CDK14: variants seen among roughly 807,000 people sequenced by gnomAD.
CDK14 encodes cyclin-dependent kinase 14.
In CDK14, 34 loss-of-function variants were observed where a neutral mutation model predicts 60.7. The observed-to-expected ratio is 0.56, with a 90% CI of 0.43 to 0.75. CDK14 has a LOEUF of 0.75. CDK14 is among the 30% of genes least tolerant of loss of function. The probability of loss-of-function intolerance (pLI) is 0.00; values close to 1 mark genes in which losing one functional copy is unlikely to be tolerated. For synonymous variants in CDK14, 197 were observed against 203.7 expected (o/e 0.97, Z 0.28); for missense variants, 482 against 564.1 (o/e 0.85, Z 1.47).
intron 7 of CDK14, among the ~76,000 whole-genome samples, chr7:90,914,857 C>T (rs1014285244): frequency 6.6e-6 from 1 of 152,128 alleles, no homozygotes; most frequent in African/African-American, 2.4e-5. Flanking sequence ...TGCTGCCATC[C>T]AGATGTCTCT....
intron 12 of CDK14, among the ~76,000 whole-genome samples, chr7:91,087,757 T>C (rs1428833670): frequency 1.3e-5 from 2 of 152,182 alleles, no homozygotes; most frequent in Non-Finnish European, 2.9e-5. Flanking sequence ...AGACATCTTC[T>C]GGAATATTCT....
At chr7:90,947,548 G>T (rs1283424356) in intron 8 of CDK14, among the ~76,000 whole-genome samples, 1 of 152,158 alleles carries the variant, frequency 6.6e-6, no homozygotes, top group Non-Finnish European at 1.5e-5. Flanking sequence ...AACCATTAGA[G>T]TACCTAACAG....
In CDK14 at chr7:91,052,434, A is replaced by G. The variant is rs371144922; in HGVS notation, c.1105+6474A>G. On this transcript the variant is annotated intron_variant, in intron 11 of 14. Transcript: ENST00000380050. ...GTTTACTGACAATTAGACTATTTTAAAAAGCAGAGAAGTAGGGAGGATCTG... is the reference window on the plus strand; with the variant it reads ...GTTTACTGACAATTAGACTATTTTAGAAAGCAGAGAAGTAGGGAGGATCTG... 3.3e-5 allele frequency among the ~76,000 whole-genome samples: 5 copies of G among 152,338 alleles called. No individual in the cohort carries two copies. In the East Asian group the frequency reaches 9.6e-4, roughly 29 times the overall value.
At chr7:90,837,356 C>T (rs1408938583) in intron 5 of CDK14, among the ~76,000 whole-genome samples, 4 of 150,266 alleles carry the variant, frequency 2.7e-5, no homozygotes, top group East Asian at 2.0e-4. Flanking sequence ...GGTACAATCT[C>T]GGCTCACTGC....
intron 2 of CDK14, among the ~76,000 whole-genome samples, chr7:90,621,655 TCCTTCCTTCCTTCCTG>T (rs1161989353): frequency 1.9e-4 from 21 of 111,716 alleles, no homozygotes; most frequent in South Asian, 6.1e-4. Flanking sequence ...CTTCCTTCCT[TCCTTCCTTCCTTCCTG>T]CCTTCCTGCC....
chr7:91,204,924 G>A (rs1485177079), intron 14 of CDK14, among the ~76,000 whole-genome samples: 4 of 151,742 alleles, frequency 2.6e-5, no homozygotes, highest in Non-Finnish European at 1.5e-5. Flanking sequence ...CTCCAGCTTG[G>A]GTGGCAGAGC....
intron 2 of CDK14, among the ~76,000 whole-genome samples, chr7:90,644,228 C>T (rs544922379): frequency 1.3e-5 from 2 of 152,184 alleles, no homozygotes; most frequent in Non-Finnish European, 2.9e-5. Flanking sequence ...AAATCAGTTT[C>T]GGTTGTTTAA....
chr7:90,648,143 T>G (rs1472520289), intron 2 of CDK14, among the ~76,000 whole-genome samples: 1 of 152,148 alleles, frequency 6.6e-6, no homozygotes, highest in Non-Finnish European at 1.5e-5. Flanking sequence ...CTGGGTGGTT[T>G]AGGCTCTGGG....
chr7:90,876,136 G>A (rs1213180139), intron 6 of CDK14, among the ~76,000 whole-genome samples: 1 of 152,112 alleles, frequency 6.6e-6, no homozygotes, highest in African/African-American at 2.4e-5. Context: ...GGGTATCTGG[G>A]TCATTATGAA....
intron 10 of CDK14, among the ~76,000 whole-genome samples, chr7:91,032,348 T>G (rs1035883574): frequency 2.8e-4 from 43 of 152,192 alleles, no homozygotes; most frequent in African/African-American, 9.7e-4. Context: ...TAAATGGTAA[T>G]TTTACTCTGT....
At chr7:91,196,273 A>AT (rs1253805339) in intron 14 of CDK14, among the ~76,000 whole-genome samples, 11 of 143,714 alleles carry the variant, frequency 7.7e-5, no homozygotes, top group African/African-American at 2.7e-4. Flanking sequence ...ATGATGGGTG[A>AT]TTTCAAGAGT....
intron 6 of CDK14, among the ~76,000 whole-genome samples, chr7:90,885,841 T>C (rs111966088): frequency 0.19 from 28,828 of 151,972 alleles, 2,880 homozygotes; most frequent in Middle Eastern, 0.3. Flanking sequence ...TGTTCTCACT[T>C]ATAAGTGGGA....
At chr7:90,934,087 C>T (rs1793680630) in intron 8 of CDK14, among the ~76,000 whole-genome samples, 1 of 152,244 alleles carries the variant, frequency 6.6e-6, no homozygotes, top group Non-Finnish European at 1.5e-5. Context: ...TTGCAGTCTC[C>T]AAGCTCCAAC....
intron 6 of CDK14, among the ~76,000 whole-genome samples, chr7:90,881,962 G>A (rs944828094): frequency 2.0e-5 from 3 of 152,002 alleles, no homozygotes; most frequent in Non-Finnish European, 2.9e-5. Flanking sequence ...AGGAAAAACC[G>A]GTACCAGCCA....
chr7:90,812,352 C>T (rs970837950), intron 5 of CDK14, among the ~76,000 whole-genome samples: 5 of 151,980 alleles, frequency 3.3e-5, no homozygotes, highest in African/African-American at 1.2e-4. Flanking sequence ...TCATTCTCAG[C>T]AAACTATCGC....
chr7:90,821,199 T>A (rs1183526532), intron 5 of CDK14, among the ~76,000 whole-genome samples: 1 of 152,206 alleles, frequency 6.6e-6, no homozygotes, highest in Non-Finnish European at 1.5e-5. Context: ...GAAACCTATG[T>A]TGCATGCAGG....
intron 8 of CDK14, among the ~76,000 whole-genome samples, chr7:90,922,771 T>C (rs1367905896): frequency 6.6e-6 from 1 of 152,218 alleles, no homozygotes; most frequent in Non-Finnish European, 1.5e-5. Flanking sequence ...TTTTGTTTTA[T>C]GTTATCACAA....
chr7:90,678,447 T>C (rs1319710104), intron 2 of CDK14, among the ~76,000 whole-genome samples: 1 of 152,212 alleles, frequency 6.6e-6, no homozygotes, highest in Non-Finnish European at 1.5e-5. Flanking sequence ...TTTGTTTGTG[T>C]TCGTCTCTTC....
chr7:90,818,109 C>T (rs1789416689), intron 5 of CDK14, among the ~76,000 whole-genome samples: 2 of 152,164 alleles, frequency 1.3e-5, no homozygotes, highest in Non-Finnish European at 2.9e-5. Context: ...CCAGGAGCTG[C>T]AGACTGTTAC....
Sources: allele counts gnomAD v4.1 joint callset (sites outside exome capture counted in the v4.1 genomes callset), GRCh38; gene constraint gnomAD v4.1.1; transcripts MANE v1.5; gene names NCBI Gene and HGNC (gene_info 2026-07-23, HGNC 2026-07-21).